NRSN2: variants seen among roughly 807,000 people sequenced by gnomAD.
NRSN2 encodes neurensin-2.
NRSN2 carries 10 observed loss-of-function variants against 11.1 expected under a neutral mutation model. That is an observed-to-expected ratio of 0.90 (90% CI 0.56 to 1.53). NRSN2 has a LOEUF of 1.53. NRSN2 is among the 40% of genes most tolerant of loss of function. The probability of loss-of-function intolerance (pLI) is 0.00; values close to 1 mark genes in which losing one functional copy is unlikely to be tolerated. For synonymous variants in NRSN2, 100 were observed against 117.0 expected, an observed-to-expected ratio of 0.86 and a Z score of 0.94; for missense variants, 260 against 273.7, an observed-to-expected ratio of 0.95 and a Z score of 0.35.
intron 4 of NRSN2, 89 bp from the exon 5 acceptor site, chr20:353,121 C>G (rs1211466796): frequency 8.0e-7 from 1 of 1,243,226 alleles, no homozygotes; most frequent in African/African-American, 1.5e-5. Flanking sequence ...AGGGGTTACC[C>G]TTAAGTCTGG....
At position 350,646 on chromosome 20, in the gene NRSN2, CAAAAAAAA is replaced by C. The variant is rs56188179; in HGVS notation, c.189+837_189+844del. On this transcript the variant is annotated intron_variant, in intron 4 of 4. Transcript: ENST00000382285. ...TGGGCGACAGAACAAGACTCTGTCT[CAAAAAAAA>C]AAAAAAAAAAAAAAAAAAAAAAGAA... Among the ~76,000 whole-genome samples the C allele has an allele frequency of 4.7e-3, 187 of 39,406 alleles. 1 individual carries two copies. The highest frequency in any genetic ancestry group is 0.038 in the South Asian group (24 of 636). The allele number at this position is 39,406 out of a possible 152,430, so 25.9% of individuals were successfully genotyped here. A position where few individuals can be genotyped will look rare whatever the true frequency, so the allele number is the denominator to read the frequency against.
chr20:353,892 A>C lies in NRSN2; in HGVS notation c.*257A>C. 9.6e-6 allele frequency: 5 copies of C among 518,890 alleles called. No individual in the cohort carries two copies. Among genetic ancestry groups the C allele is most frequent in the Non-Finnish European group, 1.7e-5 (5 of 294,446 alleles). 32.1% of individuals were successfully genotyped at this position (518,890 alleles called of 1,614,324 possible). A position where few individuals can be genotyped will look rare whatever the true frequency, so the allele number is the denominator to read the frequency against. ...CCCAAGGCCCTCAGGGGCAGAAAACATCTCCTTCAACCCGTCCCCACTCCT... is the reference window on the plus strand; with the variant it reads ...CCCAAGGCCCTCAGGGGCAGAAAACCTCTCCTTCAACCCGTCCCCACTCCT... On this transcript the variant is annotated 3_prime_UTR_variant, in exon 5 of 5. Transcript: ENST00000382285.
intron 3 of NRSN2, 105 bp from the exon 4 acceptor site, chr20:349,530 GGGA>G: frequency 2.4e-6 from 2 of 820,232 alleles, no homozygotes; most frequent in Non-Finnish European, 1.9e-6. Flanking sequence ...TGTCTCGAGT[GGGA>G]GGAGAAGCGG....
At chr20:353,163 C>CCCCTGGCTGA in intron 4 of NRSN2, 47 bp from the exon 5 acceptor site, 1 of 1,586,984 alleles carries the variant, frequency 6.3e-7, no homozygotes. Flanking sequence ...TGGCCAGGGG[C>CCCCTGGCTGA]CCCTGGCTGA....
rs745858653 is a variant in NRSN2, at chr20:353,265, C to T, written c.245C>T (p.Thr82Ile). 1.9e-6 allele frequency: 3 copies of T among 1,614,100 alleles called. No homozygotes were observed. Among genetic ancestry groups the T allele is most frequent in the Non-Finnish European group, 2.5e-6 (3 of 1,180,030 alleles). ...CTGCTGGGTGTGGCGGCTCTGACCA[C>T]TGGCTATGCAGTGCCCCCCAAGCTG... is the stretch of plus-strand genomic sequence containing the variant. ...LLLLGVAALT[T>I]GYAVPPKLEG... Residue 82 changes from threonine to isoleucine, a missense_variant, in exon 5 of 5, where the codon ACT becomes ATT. Physicochemically the swap from Thr to Ile is moderately conservative, Grantham distance 89. Coordinates refer to ENST00000382285, the MANE Select transcript of NRSN2 (RefSeq NM_001323682.2).
chr20:348,550 C>T (rs1412951026), intron 2 of NRSN2, among the ~76,000 whole-genome samples: 1 of 136,490 alleles, frequency 7.3e-6, no homozygotes, highest in African/African-American at 2.8e-5. Context: ...GGGTATGTCT[C>T]TGTATGCTTT....
Position 353,237 on chromosome 20 carries a change from C to A in NRSN2, c.217C>A (p.Leu73Met). 6.2e-7 allele frequency: 1 copy of A among 1,614,068 alleles called. No homozygotes were observed. Among genetic ancestry groups the A allele is most frequent in the South Asian group, 1.1e-5 (1 of 91,082 alleles). ...KISLSSGTLL[L>M]LLGVAALTTG... is the part of the protein sequence containing the mutation. The stretch of plus-strand genomic sequence containing the variant: ...CAGCCTGTCCTCGGGGACCCTGCTT[C>A]TGCTGCTGGGTGTGGCGGCTCTGAC... The change falls in exon 5 of 5, where the codon CTG (leucine) becomes ATG (methionine). Residue 73 changes from leucine (L) to methionine (M), a missense_variant. Coordinates refer to ENST00000382285, the MANE Select transcript of NRSN2 (RefSeq NM_001323682.2).
At chr20:352,178 G>GA (rs1165803025) in intron 4 of NRSN2, among the ~76,000 whole-genome samples, 2 of 152,270 alleles carry the variant, frequency 1.3e-5, no homozygotes, top group East Asian at 3.9e-4. Flanking sequence ...CCAGGGCAGA[G>GA]AAAAAATGTG....
Position 353,467 on chromosome 20 carries a change from G to C in NRSN2, c.447G>C (p.Glu149Asp). The change falls in exon 5 of 5, where the codon GAG (glutamate) becomes GAC (aspartate). Residue 149 changes from glutamate (E) to aspartate (D), a missense_variant. Glu to Asp is a conservative substitution (Grantham distance 45, BLOSUM62 2). Transcript: ENST00000382285. ...GGCTGAGCCAGGACACCAAGGCAGA[G>C]CCCTTGGACCCCGAAGCCGACAGCC... ...IGWLSQDTKA[E>D]PLDPEADSHV... 6.2e-7 allele frequency: 1 copy of C among 1,614,178 alleles called. No homozygotes were observed. Among genetic ancestry groups the C allele is most frequent in the Non-Finnish European group, 8.5e-7 (1 of 1,180,044 alleles).
rs1435100246 is a variant in NRSN2, at chr20:347,358, C to CTG, written c.-200-75_-200-74dup. 1.3e-5 allele frequency: 2 copies of CTG among 152,244 alleles called. No individual in the cohort carries two copies. The highest frequency in any genetic ancestry group is 1.3e-4 in the Admixed American group (2 of 15,274). The allele number at this position is 152,244 out of a possible 1,614,324, so 9.4% of individuals were successfully genotyped here. A position where few individuals can be genotyped will look rare whatever the true frequency, so the allele number is the denominator to read the frequency against. Reference sequence around the variant, plus strand: ...CCCTCGACGCCTCAGGGTTGATAGGCTGGGTAGAGGCTTCAAAGGACACCC... The same window carrying CTG: ...CCCTCGACGCCTCAGGGTTGATAGGCTGTGGGTAGAGGCTTCAAAGGACACCC... On this transcript the variant is annotated intron_variant, in intron 1 of 4. Coordinates refer to ENST00000382285, the MANE Select transcript of NRSN2 (RefSeq NM_001323682.2). This position sits in a 1 kb window ranked among gnomAD's most constrained non-coding sequence, Gnocchi z 7.0.
chr20:354,386 G>A lies in NRSN2; in HGVS notation c.*751G>A, dbSNP rs1369687071. 6.6e-6 allele frequency: 1 copy of A among 152,114 alleles called. No individual in the cohort carries two copies. 9.4% of individuals were successfully genotyped at this position (152,114 alleles called of 1,614,324 possible). A position where few individuals can be genotyped will look rare whatever the true frequency, so the allele number is the denominator to read the frequency against. On this transcript the variant is annotated 3_prime_UTR_variant, in exon 5 of 5. Transcript: ENST00000382285. ...GTTCCCTGAGGGTCCTCAGGGTGGA[G>A]GACAGGTTTGGCCCAGAAAGACTAG...
rs1229541228 is a variant in NRSN2 at position 348,734 on chromosome 20, CA to C, written c.-121-514del. On this transcript the variant is annotated intron_variant, in intron 2 of 4. Coordinates refer to ENST00000382285, the MANE Select transcript of NRSN2 (RefSeq NM_001323682.2). ...GCTGCTAATTAAGGCTGAGGGCCAT[CA>C]TGGAGACTGGGGTAGAAGCCCAGTC... 2.0e-5 allele frequency among the ~76,000 whole-genome samples: 3 copies of C among 151,836 alleles called. No individual in the cohort carries two copies. The South Asian group carries it at 6.2e-4, about 32-fold the overall frequency.
intron 4 of NRSN2, among the ~76,000 whole-genome samples, chr20:351,269 T>G (rs557890588): frequency 3.4e-4 from 51 of 152,040 alleles, no homozygotes; most frequent in Non-Finnish European, 5.4e-4. Context: ...AGGTACTGGC[T>G]TACACCTGTA....
rs1376432077 is a variant in NRSN2 at position 354,548 on chromosome 20, C to G, written c.*913C>G. On this transcript the variant is annotated 3_prime_UTR_variant, in exon 5 of 5. Coordinates refer to ENST00000382285, the MANE Select transcript of NRSN2 (RefSeq NM_001323682.2). ...AAGTCCACCTACCTAGAAACCAAGC[C>G]CACGGTCTTGGCCGTGACCCTGATA... The G allele has an allele frequency of 1.3e-5, 2 of 152,204 alleles. No individual in the cohort carries two copies. Among genetic ancestry groups the G allele is most frequent in the African/African-American group, 4.8e-5 (2 of 41,400 alleles). The allele number at this position is 152,204 out of a possible 1,614,324, so 9.4% of individuals were successfully genotyped here.
At position 353,745 on chromosome 20, in the gene NRSN2, C is replaced by T; in HGVS notation, c.*110C>T. ...CCTTTTAGCAGGGTCCCTTTAGAGCCCAACTCCAGGTCAAATCTGGAGCTC... is the reference window on the plus strand; with the variant it reads ...CCTTTTAGCAGGGTCCCTTTAGAGCTCAACTCCAGGTCAAATCTGGAGCTC... On this transcript the variant is annotated 3_prime_UTR_variant, in exon 5 of 5. Transcript: ENST00000382285. 1 of 1,171,906 alleles carries T rather than the reference C, an allele frequency of 8.5e-7. No homozygotes were observed. Among genetic ancestry groups the T allele is most frequent in the African/African-American group, 1.6e-5 (1 of 64,268 alleles). 72.6% of individuals were successfully genotyped at this position (1,171,906 alleles called of 1,614,324 possible).
At chr20:348,483 C>CGGTGTGTGTGTGTGTGTGTGTGTGTGTG (rs1568514032) in intron 2 of NRSN2, 2 of 32,340 alleles carry the variant, frequency 6.2e-5, no homozygotes, top group African/African-American at 3.5e-4. Context: ...GAACCTCCAA[C>CGGTGTGTGTGTGTGTGTGTGTGTGTGTG]CGTGTGTGTG....
chr20:353,169 G>T lies in NRSN2; in HGVS notation c.190-41G>T, dbSNP rs756407256. Reference sequence around the variant, plus strand: ...GTGATCCCTTGGCCAGGGGCCCCTGGCTGACCCTGACTGCTTCCTGGTCTG... The same window carrying T: ...GTGATCCCTTGGCCAGGGGCCCCTGTCTGACCCTGACTGCTTCCTGGTCTG... On this transcript the variant is annotated intron_variant, in intron 4 of 4. Transcript: ENST00000382285. 3 of 1,599,886 alleles carry T rather than the reference G, an allele frequency of 1.9e-6. No individual in the cohort carries two copies. The East Asian group carries it at 6.7e-5, about 36-fold the overall frequency.
intron 2 of NRSN2, among the ~76,000 whole-genome samples, chr20:348,593 T>C (rs1213084540): frequency 6.6e-6 from 1 of 150,762 alleles, no homozygotes; most frequent in African/African-American, 2.4e-5. Flanking sequence ...CTGTGCTGTT[T>C]CGGTGAGTTT....
Position 353,316 on chromosome 20 carries a change from T to C in NRSN2, c.296T>C (p.Leu99Pro), listed in dbSNP as rs1267403906. The change falls in exon 5 of 5, where the codon CTG (leucine) becomes CCG (proline). Residue 99 changes from leucine to proline, a missense_variant. Coordinates refer to ENST00000382285, the MANE Select transcript of NRSN2 (RefSeq NM_001323682.2). ...GAGGGCATCGGTGAGGGTGAGTTCC[T>C]GGTGTTGGATCAGCGGGCAGCCGAC... is the stretch of plus-strand genomic sequence containing the variant. Reference protein sequence around the residue: ...KLEGIGEGEFLVLDQRAADYN... With the variant: ...KLEGIGEGEFPVLDQRAADYN... The C allele has an allele frequency of 6.2e-7, 1 of 1,614,076 alleles. No individual in the cohort carries two copies. Among genetic ancestry groups the C allele is most frequent in the Non-Finnish European group, 8.5e-7 (1 of 1,180,014 alleles).
Sources: allele counts gnomAD v4.1 joint callset (sites outside exome capture counted in the v4.1 genomes callset), GRCh38; gene constraint gnomAD v4.1.1; non-coding constraint Gnocchi (gnomAD v3.1); transcripts MANE v1.5; gene names NCBI Gene and HGNC (gene_info 2026-07-23, HGNC 2026-07-21).